Variants in ITPRID2 observed in about 807,000 individuals in gnomAD.
The protein encoded by ITPRID2 is ITPR interacting domain containing 2.
In ITPRID2, 60 loss-of-function variants were observed where a neutral mutation model predicts 124.3. That is an observed-to-expected ratio of 0.48 (90% confidence interval 0.39 to 0.60). The LOEUF is 0.60. ITPRID2 is among the 20% of genes least tolerant of loss of function. The pLI is 0.00. For missense variants in ITPRID2, 1,553 were observed against 1,512.2 expected, an observed-to-expected ratio of 1.03 and a Z score of -0.45; for synonymous variants, 521 against 542.9, an observed-to-expected ratio of 0.96 and a Z score of 0.56.
At chr2:181,927,066 A>G (rs1019106679) in intron 16 of ITPRID2, among the ~76,000 whole-genome samples, 2 of 152,194 alleles carry the variant, frequency 1.3e-5, no homozygotes, top group Non-Finnish European at 2.9e-5. Context: ...TCCAGTACAG[A>G]TGGTTGGTAG....
intron 11 of ITPRID2, chr2:181,917,964 T>C (rs1484790998): frequency 6.6e-6 from 1 of 152,236 alleles, no homozygotes; most frequent in Non-Finnish European, 1.5e-5. Flanking sequence ...TCTTTGCCTT[T>C]CTTTGCATAA....
chr2:181,917,036 G>A (rs1282701268), intron 11 of ITPRID2: 34 of 980,048 alleles, frequency 3.5e-5, no homozygotes, highest in Non-Finnish European at 4.1e-5. Context: ...AAAATGCTCT[G>A]TATGTCTTGT....
Position 181,919,285 on chromosome 2 carries a change from C to A in ITPRID2, c.2994-11C>A. ...ATTTTTCCAATTTTGTGCCCTTCAC[C>A]ATACCAATAGGTTTGAAGTTGATCA... On this transcript the variant is annotated splice_polypyrimidine_tract_variant and intron_variant, in intron 13 of 17. Coordinates refer to ENST00000431877, the MANE Select transcript of ITPRID2 (RefSeq NM_001130445.3). This position sits in a 1 kb window ranked among gnomAD's most constrained non-coding sequence, Gnocchi z 4.2. 1 of 1,613,644 alleles carries A rather than the reference C, an allele frequency of 6.2e-7. No homozygotes were observed. Among genetic ancestry groups the A allele is most frequent in the South Asian group, 1.1e-5 (1 of 91,058 alleles).
In ITPRID2 at chr2:181,916,557, A is replaced by C. The variant is rs553731401; in HGVS notation, c.2787+130A>C. ...TTATTTTCTGACATGTCTAAACTTA[A>C]TCTGCATCTGCCTTCGTTTTCTATC... On this transcript the variant is annotated intron_variant, in intron 11 of 17. Coordinates refer to ENST00000431877, the MANE Select transcript of ITPRID2 (RefSeq NM_001130445.3). 3.8e-5 allele frequency: 45 copies of C among 1,169,478 alleles called. No homozygotes were observed. In the African/African-American group the frequency reaches 6.6e-4, roughly 17 times the overall value. The allele number at this position is 1,169,478 out of a possible 1,614,324, so 72.4% of individuals were successfully genotyped here.
chr2:181,921,930 T>C lies in ITPRID2; in HGVS notation c.3211-18T>C, dbSNP rs540048068. The C allele has an allele frequency of 2.5e-6, 4 of 1,593,780 alleles. No homozygotes were observed. The South Asian group carries it at 4.5e-5, about 18-fold the overall frequency. ...TTAATTCCAAGAGAGAAGAATAACA[T>C]TTTTTTATGATCTCCAGGTCACTGA... On this transcript the variant is annotated intron_variant, in intron 15 of 17. Coordinates refer to ENST00000431877, the MANE Select transcript of ITPRID2 (RefSeq NM_001130445.3).
rs568343518 is a variant in ITPRID2, at chr2:181,930,002, A to C, written c.*455A>C. The C allele has an allele frequency of 6.3e-6, 1 of 158,564 alleles. No individual in the cohort carries two copies. The highest frequency in any genetic ancestry group is 6.4e-5 in the Admixed American group (1 of 15,506). The allele number at this position is 158,564 out of a possible 1,614,324, so 9.8% of individuals were successfully genotyped here. A position where few individuals can be genotyped will look rare whatever the true frequency, so the allele number is the denominator to read the frequency against. ...AATGATTTTTCCCTCCACTGCTGTT[A>C]ATTAATGTCACTTCCAAGAAGAAAA... is the stretch of plus-strand genomic sequence containing the variant. On this transcript the variant is annotated 3_prime_UTR_variant, in exon 18 of 18. Coordinates refer to ENST00000431877, the MANE Select transcript of ITPRID2 (RefSeq NM_001130445.3).
intron 8 of ITPRID2, among the ~76,000 whole-genome samples, chr2:181,903,067 T>C (rs1439329338): frequency 6.6e-6 from 1 of 152,228 alleles, no homozygotes; most frequent in Non-Finnish European, 1.5e-5. Flanking sequence ...TTACTTGTTA[T>C]TTGTGTCCAG....
At position 181,896,228 on chromosome 2, in the gene ITPRID2, G is replaced by A. The variant is rs1034994005; in HGVS notation, c.307+149G>A. On this transcript the variant is annotated intron_variant, in intron 3 of 17. Transcript: ENST00000431877. This position sits in a 1 kb window ranked among gnomAD's most constrained non-coding sequence, Gnocchi z 4.3. Reference sequence around the variant, plus strand: ...GCTAGAAGCAAAATGGAGAAACTTTGTTATAAACCGTAAAACAGTAGGGAG... The same window carrying A: ...GCTAGAAGCAAAATGGAGAAACTTTATTATAAACCGTAAAACAGTAGGGAG... 1.5e-6 allele frequency: 1 copy of A among 681,360 alleles called. No individual in the cohort carries two copies. 42.2% of individuals were successfully genotyped at this position (681,360 alleles called of 1,614,324 possible). A position where few individuals can be genotyped will look rare whatever the true frequency, so the allele number is the denominator to read the frequency against.
chr2:181,922,458 AGAG>A, intron 16 of ITPRID2, 46 bp downstream of exon 16: 1 of 1,465,788 alleles, frequency 6.8e-7, no homozygotes, highest in Non-Finnish European at 9.1e-7. Flanking sequence ...GGTATATGTT[AGAG>A]GAGATTTTGT....
At position 181,892,704 on chromosome 2, in the gene ITPRID2, C is replaced by G; in HGVS notation, c.257+44C>G. ...GCCCGCGTCCCGGGGGAGATCCGTG[C>G]GGACGGGACGCCGGAGCAGAGCCAC... On this transcript the variant is annotated intron_variant, in intron 2 of 17. Coordinates refer to ENST00000431877, the MANE Select transcript of ITPRID2 (RefSeq NM_001130445.3). This position sits in a 1 kb window ranked among gnomAD's most constrained non-coding sequence, Gnocchi z 5.2. The G allele has an allele frequency of 6.2e-7, 1 of 1,611,516 alleles. No homozygotes were observed. Among genetic ancestry groups the G allele is most frequent in the Non-Finnish European group, 8.5e-7 (1 of 1,178,150 alleles).
intron 8 of ITPRID2, among the ~76,000 whole-genome samples, chr2:181,906,419 AAATTTT>A (rs1214153481): frequency 6.6e-6 from 1 of 152,152 alleles, no homozygotes; most frequent in Non-Finnish European, 1.5e-5. Context: ...TATGAGGTAG[AAATTTT>A]AATTTTAATT....
chr2:181,916,947 G>A (rs900101322), intron 11 of ITPRID2: 4 of 988,470 alleles, frequency 4.0e-6, no homozygotes, highest in Non-Finnish European at 4.8e-6. Context: ...CACAGAGTTA[G>A]TCTACTTCCA....
At chr2:181,916,561 G>C in intron 11 of ITPRID2, 134 bp downstream of exon 11, 1 of 1,162,750 alleles carries the variant, frequency 8.6e-7, no homozygotes, top group African/African-American at 1.5e-5. Flanking sequence ...AACTTAATCT[G>C]CATCTGCCTT....
rs747013734 is a variant in ITPRID2, at chr2:181,913,876, C to T, written c.1518C>T (p.Ser506=). 23 of 1,613,058 alleles carry T rather than the reference C, an allele frequency of 1.4e-5. No individual in the cohort carries two copies. Among genetic ancestry groups the T allele is most frequent in the Admixed American group, 3.3e-5 (2 of 59,926 alleles). Residue 506 remains serine (S), a synonymous_variant, in exon 10 of 18, where the codon TCC becomes TCT. Coordinates refer to ENST00000431877, the MANE Select transcript of ITPRID2 (RefSeq NM_001130445.3). ...TGTTACGTACTGCAAGTCAGCATTC[C>T]GATAGCAGTGGTTTTGCTGAAGATT... ...DHLLRTASQH[S]DSSGFAEDST... is the part of the protein sequence containing the mutation.
At position 181,896,293 on chromosome 2, in the gene ITPRID2, A is replaced by G. The variant is rs993197099; in HGVS notation, c.307+214A>G. Among the ~76,000 whole-genome samples, 1 of 152,042 alleles carries G rather than the reference A, an allele frequency of 6.6e-6. No individual in the cohort carries two copies. Among genetic ancestry groups the G allele is most frequent in the Non-Finnish European group, 1.5e-5 (1 of 67,876 alleles). Reference sequence around the variant, plus strand: ...CTAGCCTTTTCACAACGTGAAACTTATATCTTTATTGTCCAGTTAGGTATT... The same window carrying G: ...CTAGCCTTTTCACAACGTGAAACTTGTATCTTTATTGTCCAGTTAGGTATT... On this transcript the variant is annotated intron_variant, in intron 3 of 17. Transcript: ENST00000431877. The surrounding 1 kb of genome is among the most constrained non-coding windows in gnomAD (Gnocchi z 4.3).
At position 181,891,738 on chromosome 2, in the gene ITPRID2, A is replaced by G. The variant is rs1691693066; in HGVS notation, c.-329A>G. On this transcript the variant is annotated 5_prime_UTR_variant, in exon 1 of 18. Coordinates refer to ENST00000431877, the MANE Select transcript of ITPRID2 (RefSeq NM_001130445.3). ...GCCGAGGGAAGGCGCGCAGACGCGC[A>G]GCGGCCGGCCTGCTCCGGGCGCGTC... The G allele has an allele frequency of 6.7e-6, 1 of 149,780 alleles. No homozygotes were observed. The highest frequency in any genetic ancestry group is 6.7e-5 in the Admixed American group (1 of 14,956). The allele number at this position is 149,780 out of a possible 1,614,324, so 9.3% of individuals were successfully genotyped here. A position where few individuals can be genotyped will look rare whatever the true frequency, so the allele number is the denominator to read the frequency against.
chr2:181,915,925 A>G lies in ITPRID2; in HGVS notation c.2285A>G (p.Lys762Arg), dbSNP rs1369334331. The G allele has an allele frequency of 2.5e-6, 4 of 1,614,242 alleles. No homozygotes were observed. The highest frequency in any genetic ancestry group is 1.1e-5 in the South Asian group (1 of 91,086). The change falls in exon 11 of 18, where the codon AAA becomes AGA. Residue 762 changes from lysine to arginine, a missense_variant. Transcript: ENST00000431877. The part of the protein sequence containing the change: ...SSVNVRLSPG[K>R]ETRCSPPSFT... ...GTCAATGTTCGATTATCTCCAGGAA[A>G]AGAGACCAGATGCAGCCCACCTTCC... is the stretch of plus-strand genomic sequence containing the variant.
In ITPRID2 at chr2:181,892,089, C is replaced by CGGCGGA. The variant is rs760105265; in HGVS notation, c.32_37dup (p.Ala11_Glu12dup). On this transcript the variant is annotated inframe_insertion, in exon 1 of 18. Transcript: ENST00000431877. The surrounding 1 kb of genome is among the most constrained non-coding windows in gnomAD (Gnocchi z 5.2). ...GCCATGGACCGGCCCCTGTCGTCGT[C>CGGCGGA]GGCGGAGGCGGAGGAGGAACTGGAG... 12 of 1,554,822 alleles carry CGGCGGA rather than the reference C, an allele frequency of 7.7e-6. No homozygotes were observed. The African/African-American group carries it at 1.6e-4, about 21-fold the overall frequency.
intron 9 of ITPRID2, among the ~76,000 whole-genome samples, chr2:181,912,362 T>C (rs1693669294): frequency 6.6e-6 from 1 of 152,332 alleles, no homozygotes. Context: ...TCAGTACTGG[T>C]GGTAACAGCT....
Sources: allele counts gnomAD v4.1 joint callset (sites outside exome capture counted in the v4.1 genomes callset), GRCh38; gene constraint gnomAD v4.1.1; non-coding constraint Gnocchi (gnomAD v3.1); transcripts MANE v1.5; gene names NCBI Gene and HGNC (gene_info 2026-07-23, HGNC 2026-07-21).